The following VAV3 variants were observed in gnomAD, a reference collection of about 807,000 sequenced individuals.
VAV3 encodes guanine nucleotide exchange factor VAV3.
VAV3 carries 94 observed loss-of-function variants against 131.2 expected under a neutral mutation model. The ratio of observed to expected loss-of-function variants is 0.72; its 90% CI spans 0.61 to 0.85. VAV3 has a LOEUF of 0.85. Ranked by LOEUF, VAV3 falls within the 40% of genes least tolerant of loss-of-function variation. The pLI, the probability that VAV3 is intolerant of heterozygous loss-of-function variation, is 0.00. For synonymous variants in VAV3, 349 were observed against 342.0 expected, an observed-to-expected ratio of 1.02 and a Z score of -0.22; for missense variants, 939 against 1,002.7, an observed-to-expected ratio of 0.94 and a Z score of 0.86.
chr1:107,924,326 G>T (rs1344923089), intron 1 of VAV3, among the ~76,000 whole-genome samples: 1 of 149,810 alleles, frequency 6.7e-6, no homozygotes, highest in East Asian at 2.0e-4. Context: ...TCCACATAAA[G>T]AATTTTGAAT....
intron 2 of VAV3, among the ~76,000 whole-genome samples, chr1:107,848,308 G>A (rs146896255): frequency 0.013 from 1,508 of 117,362 alleles, 18 homozygotes; most frequent in African/African-American, 0.034. Flanking sequence ...GCAAGACTCC[G>A]TCTCAAAAAA....
chr1:107,897,773 G>C lies in VAV3; in HGVS notation c.205-22756C>G, dbSNP rs183218953. 7.5e-4 allele frequency among the ~76,000 whole-genome samples: 114 copies of C among 152,232 alleles called. 1 individual carries two copies. The highest frequency in any genetic ancestry group is 1.8e-4 in the Non-Finnish European group (12 of 68,018). On this transcript the variant is annotated intron_variant, in intron 1 of 26. Transcript: ENST00000370056. ...TTCTGAGATTATACTCTTCCTTCAT[G>C]TATGGTGCTAGAATCGGTCCTCTCC...
At chr1:107,814,174 G>A (rs369731484) in intron 2 of VAV3, among the ~76,000 whole-genome samples, 47 of 152,164 alleles carry the variant, frequency 3.1e-4, no homozygotes, top group African/African-American at 8.2e-4. Flanking sequence ...TACCCAGTCA[G>A]TAGCGAAAAC....
chr1:107,674,107 A>G (rs1399895346), intron 19 of VAV3, among the ~76,000 whole-genome samples: 1 of 152,264 alleles, frequency 6.6e-6, no homozygotes, highest in East Asian at 1.9e-4. Context: ...GAACTGCATG[A>G]TATTTAAAAA....
At chr1:107,801,083 C>A (rs961770370) in intron 2 of VAV3, among the ~76,000 whole-genome samples, 1 of 152,020 alleles carries the variant, frequency 6.6e-6, no homozygotes, top group South Asian at 2.1e-4. Flanking sequence ...CACCTTTTGC[C>A]CACTGTATGT....
chr1:107,690,362 T>G (rs1239942069), intron 17 of VAV3, among the ~76,000 whole-genome samples: 2 of 152,126 alleles, frequency 1.3e-5, no homozygotes, highest in Non-Finnish European at 2.9e-5. Context: ...CGGAGACACT[T>G]GCACCTCTTC....
intron 1 of VAV3, among the ~76,000 whole-genome samples, chr1:107,906,537 G>T (rs1041616636): frequency 2.0e-5 from 3 of 152,030 alleles, no homozygotes; most frequent in African/African-American, 7.2e-5. Flanking sequence ...GTGGTGGCAG[G>T]CACCTGTAGT....
intron 19 of VAV3, among the ~76,000 whole-genome samples, chr1:107,657,508 T>C (rs1445779578): frequency 2.0e-5 from 3 of 152,224 alleles, no homozygotes; most frequent in Middle Eastern, 3.2e-3. Context: ...AAAGAATTGT[T>C]ATACACAGGA....
intron 5 of VAV3, 109 bp from the exon 6 acceptor site, chr1:107,770,837 A>G: frequency 1.2e-6 from 1 of 820,558 alleles, no homozygotes; most frequent in East Asian, 2.7e-5. Context: ...CCTTTCTAAT[A>G]CAACACATAA....
intron 1 of VAV3, among the ~76,000 whole-genome samples, chr1:107,910,993 A>C (rs1672343005): frequency 1.3e-5 from 2 of 150,254 alleles, no homozygotes; most frequent in Non-Finnish European, 3.0e-5. Context: ...CATTAAAAGA[A>C]AAAAAAAAGA....
At chr1:107,758,127 T>C (rs1664217499) in intron 10 of VAV3, among the ~76,000 whole-genome samples, 1 of 152,302 alleles carries the variant, frequency 6.6e-6, no homozygotes, top group Admixed American at 6.5e-5. Flanking sequence ...TCCATCAGTG[T>C]CATCACTTAA....
intron 1 of VAV3, among the ~76,000 whole-genome samples, chr1:107,898,413 G>A (rs1671704019): frequency 6.6e-6 from 1 of 152,154 alleles, no homozygotes; most frequent in African/African-American, 2.4e-5. Context: ...TCAACTCCAT[G>A]AAGAAACAGC....
At chr1:107,890,893 TA>T in intron 1 of VAV3, among the ~76,000 whole-genome samples, 1 of 152,346 alleles carries the variant, frequency 6.6e-6, no homozygotes, top group Non-Finnish European at 1.5e-5. Flanking sequence ...ATTAGGTATT[TA>T]TAAGCTGTTT....
chr1:107,919,801 T>C (rs1050333946), intron 1 of VAV3, among the ~76,000 whole-genome samples: 1 of 152,020 alleles, frequency 6.6e-6, no homozygotes, highest in Non-Finnish European at 1.5e-5. Flanking sequence ...CCATAAACCA[T>C]GTGGTATCTT....
At chr1:107,753,136 T>C (rs1663839595) in intron 12 of VAV3, among the ~76,000 whole-genome samples, 1 of 151,980 alleles carries the variant, frequency 6.6e-6, no homozygotes. Context: ...ATCAAAAAAA[T>C]AAAATGTTGA....
chr1:107,857,015 G>C (rs1010625723), intron 2 of VAV3, among the ~76,000 whole-genome samples: 2 of 150,894 alleles, frequency 1.3e-5, no homozygotes, highest in African/African-American at 4.9e-5. Context: ...CTCCACTGTG[G>C]ATGACATGGT....
chr1:107,750,777 T>C (rs1663671122), intron 13 of VAV3, among the ~76,000 whole-genome samples: 1 of 152,240 alleles, frequency 6.6e-6, no homozygotes, highest in Non-Finnish European at 1.5e-5. Context: ...TTTTCTATTA[T>C]TTTTGGTTAT....
intron 4 of VAV3, among the ~76,000 whole-genome samples, chr1:107,775,721 T>C (rs1203559326): frequency 6.6e-6 from 1 of 151,938 alleles, no homozygotes; most frequent in Non-Finnish European, 1.5e-5. Flanking sequence ...ACTGGCACTA[T>C]CTTGCTTACT....
At chr1:107,600,518 G>T (rs536446492) in intron 24 of VAV3, among the ~76,000 whole-genome samples, 1 of 152,176 alleles carries the variant, frequency 6.6e-6, no homozygotes, top group Non-Finnish European at 1.5e-5. Flanking sequence ...TAGTGGCATT[G>T]CTGAGATTTT....
Sources: gnomAD v4.1 joint callset for allele counts (sites outside exome capture counted in the v4.1 genomes callset) on GRCh38, gnomAD v4.1.1 for gene constraint, MANE v1.5 for transcripts, NCBI Gene and HGNC (gene_info 2026-07-23, HGNC 2026-07-21) for gene names.